BCL11A: variants seen among roughly 807,000 people sequenced by gnomAD.
The protein encoded by BCL11A is B cell CLL/lymphoma 11A.
In BCL11A, 2 loss-of-function variants were observed where a neutral mutation model predicts 55.9. That is an observed-to-expected ratio of 0.04 (90% CI 0.01 to 0.11). BCL11A has a LOEUF of 0.11. Ranked by LOEUF, BCL11A falls within the 10% of genes least tolerant of loss-of-function variation. BCL11A has a pLI of 1.00. For missense variants in BCL11A, 817 were observed against 1,137.1 expected, an observed-to-expected ratio of 0.72 and a Z score of 4.05; for synonymous variants, 465 against 473.4, an observed-to-expected ratio of 0.98 and a Z score of 0.23.
intron 1 of BCL11A, among the ~76,000 whole-genome samples, chr2:60,552,823 C>T (rs1284254568): frequency 6.6e-6 from 1 of 152,112 alleles, no homozygotes; most frequent in Non-Finnish European, 1.5e-5. Context: ...CACCAGCTCC[C>T]ACCCCCAGGT....
At chr2:60,483,372 A>T (rs1678070072) in intron 2 of BCL11A, among the ~76,000 whole-genome samples, 1 of 152,194 alleles carries the variant, frequency 6.6e-6, no homozygotes, top group Non-Finnish European at 1.5e-5. Context: ...TGGGACTCAA[A>T]TTCCCCTGCC....
intron 2 of BCL11A, among the ~76,000 whole-genome samples, chr2:60,517,772 A>G (rs1161708406): frequency 6.6e-6 from 1 of 152,216 alleles, no homozygotes; most frequent in East Asian, 1.9e-4. Flanking sequence ...AACCTTTCTC[A>G]TCTGTAAAAT....
chr2:60,470,291 C>T (rs1007581841), intron 2 of BCL11A, among the ~76,000 whole-genome samples: 7 of 152,118 alleles, frequency 4.6e-5, no homozygotes, highest in East Asian at 1.9e-4. Context: ...GCAGGAAGAC[C>T]GGACTTAACA....
intron 1 of BCL11A, among the ~76,000 whole-genome samples, chr2:60,547,569 A>G (rs1457551079): frequency 6.6e-6 from 1 of 152,142 alleles, no homozygotes; most frequent in East Asian, 1.9e-4. Flanking sequence ...AGTTAATAAA[A>G]CTGAAGCAGA....
At chr2:60,470,145 C>G (rs1009265531) in intron 2 of BCL11A, among the ~76,000 whole-genome samples, 9 of 152,094 alleles carry the variant, frequency 5.9e-5, no homozygotes, top group African/African-American at 1.7e-4. Context: ...CTTACACAGA[C>G]AGCATAGGTC....
At chr2:60,487,068 G>A (rs1477004663) in intron 2 of BCL11A, among the ~76,000 whole-genome samples, 1 of 152,242 alleles carries the variant, frequency 6.6e-6, no homozygotes, top group Non-Finnish European at 1.5e-5. Flanking sequence ...GACACAGTGA[G>A]TTTCCCTGCC....
chr2:60,545,653 G>A (rs1670115358), intron 2 of BCL11A: 3 of 316,138 alleles, frequency 9.5e-6, no homozygotes, highest in Non-Finnish European at 1.8e-5. Flanking sequence ...TGGACTAGGT[G>A]TAGTAAAGCT....
chr2:60,521,454 T>C (rs1668989735), intron 2 of BCL11A, among the ~76,000 whole-genome samples: 2 of 152,320 alleles, frequency 1.3e-5, no homozygotes, highest in South Asian at 4.1e-4. Context: ...AGGCCCACCA[T>C]GGCTCCCCTG....
rs909107337 is a variant in BCL11A, at chr2:60,518,328, T to C, written c.385+27643A>G. Among the ~76,000 whole-genome samples the C allele has an allele frequency of 2.0e-5, 3 of 152,284 alleles. No individual in the cohort carries two copies. The East Asian group carries it at 5.8e-4, about 29-fold the overall frequency. On this transcript the variant is annotated intron_variant, in intron 2 of 3. Coordinates refer to ENST00000642384, the MANE Select transcript of BCL11A (RefSeq NM_022893.4). ...GGAGTCACAGGATTAGACCTACCGT[T>C]CCATACCAGTGTGTTACAGCCTGTC...
At chr2:60,521,443 G>A (rs937974150) in intron 2 of BCL11A, among the ~76,000 whole-genome samples, 45 of 152,320 alleles carry the variant, frequency 3.0e-4, no homozygotes, top group Admixed American at 1.8e-3. Context: ...CGGCAGAGAC[G>A]AGGCCCACCA....
chr2:60,520,242 G>A (rs1433426290), intron 2 of BCL11A, among the ~76,000 whole-genome samples: 1 of 152,032 alleles, frequency 6.6e-6, no homozygotes, highest in Non-Finnish European at 1.5e-5. Flanking sequence ...CCAGGCAAAT[G>A]GGTTCCTCTT....
intron 1 of BCL11A, among the ~76,000 whole-genome samples, chr2:60,552,085 G>A (rs1670435427): frequency 6.6e-6 from 1 of 151,874 alleles, no homozygotes; most frequent in Admixed American, 6.6e-5. Context: ...GGGGTTTGGG[G>A]GAAGAGGGTG....
chr2:60,488,760 GTT>G (rs1328503514), intron 2 of BCL11A, among the ~76,000 whole-genome samples: 2 of 152,134 alleles, frequency 1.3e-5, no homozygotes, highest in Non-Finnish European at 2.9e-5. Context: ...TTGTTTGTTT[GTT>G]TGTTTTTTGT....
chr2:60,527,639 T>C (rs1669264342), intron 2 of BCL11A: 1 of 152,238 alleles, frequency 6.6e-6, no homozygotes, highest in Admixed American at 6.5e-5. Context: ...CCCTTGGTTC[T>C]AGCAGAAGGA....
At chr2:60,474,932 G>T (rs1244686982) in intron 2 of BCL11A, among the ~76,000 whole-genome samples, 3 of 152,228 alleles carry the variant, frequency 2.0e-5, no homozygotes, top group Non-Finnish European at 4.4e-5. Context: ...CATGAGAGAG[G>T]TACAGATGAG....
At chr2:60,506,284 A>G (rs1679587427) in intron 2 of BCL11A, among the ~76,000 whole-genome samples, 1 of 152,228 alleles carries the variant, frequency 6.6e-6, no homozygotes, top group South Asian at 2.1e-4. Context: ...TCTCTGCATC[A>G]GAGGAAGAGT....
At chr2:60,534,449 A>G (rs780787736) in intron 2 of BCL11A, 8 of 152,244 alleles carry the variant, frequency 5.3e-5, no homozygotes, top group Non-Finnish European at 8.8e-5. Context: ...TTAATACACT[A>G]TAATAGCCAA....
chr2:60,496,377 G>A (rs1678951436), intron 2 of BCL11A, among the ~76,000 whole-genome samples: 1 of 152,216 alleles, frequency 6.6e-6, no homozygotes, highest in Non-Finnish European at 1.5e-5. Flanking sequence ...CAGAACTGGA[G>A]CTTTGTGAAA....
At chr2:60,499,256 C>A (rs186817464) in intron 2 of BCL11A, among the ~76,000 whole-genome samples, 1 of 152,168 alleles carries the variant, frequency 6.6e-6, no homozygotes, top group Non-Finnish European at 1.5e-5. Context: ...TAGCGCCCTT[C>A]CGTCACTCCC....
Sources: allele counts gnomAD v4.1 joint callset (sites outside exome capture counted in the v4.1 genomes callset), GRCh38; gene constraint gnomAD v4.1.1; transcripts MANE v1.5; gene names NCBI Gene and HGNC (gene_info 2026-07-23, HGNC 2026-07-21).